Variants in TTC23 observed in about 807,000 individuals in gnomAD.
The protein encoded by TTC23 is tetratricopeptide repeat protein 23.
A neutral mutation model predicts 55.1 loss-of-function variants in TTC23; 58 were observed. That is an observed-to-expected ratio of 1.05 (90% confidence interval 0.85 to 1.31). The LOEUF (loss-of-function observed/expected upper bound fraction) is 1.31. TTC23 is among the 50% of genes most tolerant of loss of function. TTC23 has a pLI of 0.00. For missense variants in TTC23, 516 were observed against 534.4 expected (o/e 0.97, Z 0.34); for synonymous variants, 203 against 199.9 (o/e 1.02, Z -0.13).
chr15:99,221,713 G>A (rs181918639), intron 6 of TTC23, 28 bp downstream of exon 6: 33 of 1,613,308 alleles, frequency 2.0e-5, no homozygotes, highest in Admixed American at 1.8e-4. Flanking sequence ...TCGACCAACT[G>A]ATCCCCCTCA....
intron 9 of TTC23, among the ~76,000 whole-genome samples, chr15:99,188,594 G>C (rs147607586): frequency 1.6e-3 from 249 of 152,118 alleles, no homozygotes; most frequent in African/African-American, 5.8e-3. Flanking sequence ...AGGATTTCTA[G>C]CAGTTAAGAA....
chr15:99,250,329 A>T (rs2080620731), upstream of TTC23, among the ~76,000 whole-genome samples: 1 of 152,194 alleles, frequency 6.6e-6, no homozygotes, highest in African/African-American at 2.4e-5. Context: ...TATAACTCAT[A>T]CCTTGTTTTA....
Position 99,137,943 on chromosome 15 carries a change from G to A in TTC23, c.*67C>T. On this transcript the variant is annotated 3_prime_UTR_variant, in exon 14 of 14. Coordinates refer to ENST00000394132, the MANE Select transcript of TTC23 (RefSeq NM_001288615.3). ...TGTTGAATTCCATTTTCTAGGCGGAGGTGATTTGTACAGCACCCTAAATGA... is the reference window on the plus strand; with the variant it reads ...TGTTGAATTCCATTTTCTAGGCGGAAGTGATTTGTACAGCACCCTAAATGA... 1 of 1,586,150 alleles carries A rather than the reference G, an allele frequency of 6.3e-7. No individual in the cohort carries two copies. Among genetic ancestry groups the A allele is most frequent in the East Asian group, 2.3e-5 (1 of 44,238 alleles).
intron 6 of TTC23, among the ~76,000 whole-genome samples, chr15:99,219,564 G>T (rs1379120328): frequency 6.6e-6 from 1 of 151,994 alleles, no homozygotes; most frequent in East Asian, 1.9e-4. Context: ...TTCCAGTGAG[G>T]TAACAGATTA....
intron 6 of TTC23, 51 bp downstream of exon 6, chr15:99,221,690 A>G (rs752216757): frequency 6.2e-7 from 1 of 1,606,554 alleles, no homozygotes; most frequent in Non-Finnish European, 8.5e-7. Context: ...AATTTTGGGG[A>G]GAACAGCAGA....
At chr15:99,228,858 G>A in intron 4 of TTC23, 126 bp from the exon 5 acceptor site, 2 of 743,452 alleles carry the variant, frequency 2.7e-6, no homozygotes, top group Non-Finnish European at 4.1e-6. Context: ...AAAAGATTAT[G>A]GTGGCTACTA....
chr15:99,205,358 T>C (rs576138200), intron 8 of TTC23, among the ~76,000 whole-genome samples: 22 of 152,316 alleles, frequency 1.4e-4, no homozygotes, highest in African/African-American at 4.1e-4. Flanking sequence ...ATTTTGAGAA[T>C]GCATTAAATC....
At chr15:99,227,176 C>A (rs2078517975) in intron 5 of TTC23, among the ~76,000 whole-genome samples, 1 of 152,292 alleles carries the variant, frequency 6.6e-6, no homozygotes, top group East Asian at 1.9e-4. Flanking sequence ...TATGCTCTTT[C>A]TCTATAATCC....
chr15:99,137,036 A>T lies in TTC23; in HGVS notation c.*974T>A, dbSNP rs1190167602. On this transcript the variant is annotated 3_prime_UTR_variant, in exon 14 of 14. Transcript: ENST00000394132. ...ATCTGCTGTCATAGCACCAGCCTGC[A>T]GCCTCATGGCCACAGTCTGTGGGAC... 1 of 152,324 alleles carries T rather than the reference A, an allele frequency of 6.6e-6. No homozygotes were observed. The highest frequency in any genetic ancestry group is 6.5e-5 in the Admixed American group (1 of 15,282). The allele number at this position is 152,324 out of a possible 1,614,324, so 9.4% of individuals were successfully genotyped here. A position where few individuals can be genotyped will look rare whatever the true frequency, so the allele number is the denominator to read the frequency against.
chr15:99,206,031 T>G (rs913478860), intron 8 of TTC23, among the ~76,000 whole-genome samples: 2 of 152,228 alleles, frequency 1.3e-5, no homozygotes, highest in East Asian at 1.9e-4. Flanking sequence ...GTTTTTATCA[T>G]GAAGGGATGT....
rs909001290 is a variant in TTC23, at chr15:99,137,730, C to T, written c.*280G>A. On this transcript the variant is annotated 3_prime_UTR_variant, in exon 14 of 14. Coordinates refer to ENST00000394132, the MANE Select transcript of TTC23 (RefSeq NM_001288615.3). ...ACTGAACTGTTGAAGAGAAGTTTTT[C>T]AGCCACAGTAGTGCTGATGGGTAAA... 9 of 415,860 alleles carry T rather than the reference C, an allele frequency of 2.2e-5. No individual in the cohort carries two copies. Among genetic ancestry groups the T allele is most frequent in the Non-Finnish European group, 4.0e-5 (9 of 227,752 alleles). The allele number at this position is 415,860 out of a possible 1,614,324, so 25.8% of individuals were successfully genotyped here. A position where few individuals can be genotyped will look rare whatever the true frequency, so the allele number is the denominator to read the frequency against.
At chr15:99,150,615 A>G (rs1378677570) in intron 12 of TTC23, among the ~76,000 whole-genome samples, 2 of 152,230 alleles carry the variant, frequency 1.3e-5, no homozygotes, top group African/African-American at 2.4e-5. Flanking sequence ...AGAAAAATAG[A>G]TTCATTTTGG....
intron 8 of TTC23, among the ~76,000 whole-genome samples, chr15:99,206,197 C>T (rs536997760): frequency 2.0e-5 from 3 of 152,222 alleles, no homozygotes; most frequent in Admixed American, 2.0e-4. Flanking sequence ...GATGAATGAT[C>T]TTTTTAATGT....
intron 9 of TTC23, among the ~76,000 whole-genome samples, chr15:99,176,791 G>A (rs2151935889): frequency 6.6e-6 from 1 of 152,292 alleles, no homozygotes; most frequent in African/African-American, 2.4e-5. Context: ...ATTGCTGAAT[G>A]GGTGATTATG....
intron 8 of TTC23, among the ~76,000 whole-genome samples, chr15:99,215,278 T>C (rs1015401608): frequency 1.3e-5 from 2 of 152,120 alleles, no homozygotes; most frequent in Non-Finnish European, 2.9e-5. Context: ...TAGTATAAGA[T>C]ACATGTGATT....
At chr15:99,205,587 CTTG>C (rs1288241317) in intron 8 of TTC23, among the ~76,000 whole-genome samples, 1 of 148,074 alleles carries the variant, frequency 6.8e-6, no homozygotes, top group South Asian at 2.1e-4. Context: ...GCATTACTTT[CTTG>C]TTTTTTTTTT....
At chr15:99,239,489 A>C (rs1013034392) in intron 3 of TTC23, among the ~76,000 whole-genome samples, 1 of 152,194 alleles carries the variant, frequency 6.6e-6, no homozygotes, top group Non-Finnish European at 1.5e-5. Flanking sequence ...TGTCTCAAAA[A>C]AAATAAAAAT....
chr15:99,164,711 T>C (rs2151904661), intron 10 of TTC23, among the ~76,000 whole-genome samples: 2 of 152,364 alleles, frequency 1.3e-5, no homozygotes, highest in Middle Eastern at 6.8e-3. Context: ...TCTGTTTCAT[T>C]ATCTTTTCCA....
chr15:99,194,552 CAAAAAA>C (rs760038465), intron 9 of TTC23, among the ~76,000 whole-genome samples: 1 of 40,456 alleles, frequency 2.5e-5, no homozygotes, highest in Non-Finnish European at 5.0e-5. Flanking sequence ...ACATCACGTG[CAAAAAA>C]AAAAAAAAAA....
Sources: gnomAD v4.1 joint callset for allele counts (sites outside exome capture counted in the v4.1 genomes callset) on GRCh38, gnomAD v4.1.1 for gene constraint, MANE v1.5 for transcripts, NCBI Gene and HGNC (gene_info 2026-07-23, HGNC 2026-07-21) for gene names.